LRFN5: variants seen among roughly 807,000 people sequenced by gnomAD.
LRFN5 encodes the protein leucine rich repeat and fibronectin type III domain containing 5, also known as leucine-rich repeat and fibronectin type-III domain-containing protein 5.
Under a neutral mutation model 45.6 loss-of-function variants are expected in LRFN5, and 24 were observed. That is an observed-to-expected ratio of 0.53 (90% CI 0.38 to 0.74). The LOEUF (loss-of-function observed/expected upper bound fraction) is 0.74, where lower values mean the gene tolerates loss of function less well. Among genes scored for constraint, LRFN5 ranks in the 30% least tolerant of loss-of-function variants. LRFN5 has a pLI of 0.00. For missense variants in LRFN5, 776 were observed against 861.5 expected (o/e 0.90, Z 1.24); for synonymous variants, 340 against 313.8 (o/e 1.08, Z -0.88).
intron 2 of LRFN5, among the ~76,000 whole-genome samples, chr14:41,803,442 C>G (rs1887408862): frequency 6.6e-6 from 1 of 151,892 alleles, no homozygotes; most frequent in South Asian, 2.1e-4. Context: ...GCCTCAAACT[C>G]CTGGGCTCAA....
chr14:41,787,871 T>C (rs539040864), intron 2 of LRFN5, among the ~76,000 whole-genome samples: 8 of 152,208 alleles, frequency 5.3e-5, no homozygotes, highest in Non-Finnish European at 1.0e-4. Flanking sequence ...TCATGATGTT[T>C]GGACTTGTGC....
chr14:41,828,736 G>C (rs182041605), intron 2 of LRFN5, among the ~76,000 whole-genome samples: 3 of 151,942 alleles, frequency 2.0e-5, no homozygotes, highest in Admixed American at 2.0e-4. Flanking sequence ...GTGATAGTCA[G>C]GGACACTACT....
chr14:41,649,589 T>C (rs1207914470), intron 1 of LRFN5, among the ~76,000 whole-genome samples: 1 of 152,162 alleles, frequency 6.6e-6, no homozygotes, highest in African/African-American at 2.4e-5. Context: ...CAAAGAACCC[T>C]GCTGCGTCAG....
chr14:41,667,162 C>T lies in LRFN5; in HGVS notation c.-197+58600C>T, dbSNP rs542681608. Among the ~76,000 whole-genome samples the T allele has an allele frequency of 1.4e-3, 214 of 152,142 alleles. 1 individual carries two copies. The highest frequency in any genetic ancestry group is 3.9e-3 in the African/African-American group (160 of 41,514). ...GTAGTCAGGATCAATGTAAGGAAAG[C>T]GATGAACTGTTAGTTTAGAGAAGAA... On this transcript the variant is annotated intron_variant, in intron 1 of 5. Transcript: ENST00000298119.
chr14:41,856,675 A>ATTATTTTTTATTTT, intron 2 of LRFN5, among the ~76,000 whole-genome samples: 1 of 18,328 alleles, frequency 5.5e-5, no homozygotes, highest in African/African-American at 1.3e-4. Flanking sequence ...TATTATTATT[A>ATTATTTTTTATTTT]TTTTTTTTTT....
chr14:41,727,022 T>A (rs1273653835), intron 1 of LRFN5, among the ~76,000 whole-genome samples: 2 of 152,220 alleles, frequency 1.3e-5, no homozygotes, highest in African/African-American at 2.4e-5. Flanking sequence ...CTTGGTGTTT[T>A]ATGAAACTTG....
At chr14:41,797,214 ATTAT>A (rs981280294) in intron 2 of LRFN5, among the ~76,000 whole-genome samples, 5 of 151,760 alleles carry the variant, frequency 3.3e-5, no homozygotes, top group African/African-American at 7.2e-5. Context: ...GGCATTTGAA[ATTAT>A]TTATTTATTT....
chr14:41,835,801 A>G (rs557472935), intron 2 of LRFN5, among the ~76,000 whole-genome samples: 88 of 152,316 alleles, frequency 5.8e-4, no homozygotes, highest in African/African-American at 1.6e-3. Flanking sequence ...TTGGAAATGC[A>G]GATAAAAATC....
At chr14:41,650,090 T>A (rs1156344549) in intron 1 of LRFN5, among the ~76,000 whole-genome samples, 1 of 152,072 alleles carries the variant, frequency 6.6e-6, no homozygotes, top group Non-Finnish European at 1.5e-5. Flanking sequence ...AATTATGTGC[T>A]GGTAAAAGAT....
At chr14:41,808,655 A>G (rs1264185381) in intron 2 of LRFN5, among the ~76,000 whole-genome samples, 1 of 152,104 alleles carries the variant, frequency 6.6e-6, no homozygotes, top group Non-Finnish European at 1.5e-5. Flanking sequence ...AATTGTGGCC[A>G]GACCTATTAA....
chr14:41,716,318 T>G (rs1463970630), intron 1 of LRFN5, among the ~76,000 whole-genome samples: 1 of 152,240 alleles, frequency 6.6e-6, no homozygotes, highest in Non-Finnish European at 1.5e-5. Flanking sequence ...GGATTTCTCC[T>G]CAGAAAATGA....
chr14:41,829,765 TTC>T (rs1473815277), intron 2 of LRFN5, among the ~76,000 whole-genome samples: 3 of 151,926 alleles, frequency 2.0e-5, no homozygotes, highest in Non-Finnish European at 4.4e-5. Flanking sequence ...TTTTTGAACT[TTC>T]TGATTCCACA....
rs533967164 is a variant in LRFN5, at chr14:41,792,763, CAT to C, written c.-21+25735_-21+25736del. Among the ~76,000 whole-genome samples, 110 of 152,144 alleles carry C rather than the reference CAT, an allele frequency of 7.2e-4. 1 individual carries two copies. Among genetic ancestry groups the C allele is most frequent in the South Asian group, 5.4e-3 (26 of 4,824 alleles). On this transcript the variant is annotated intron_variant, in intron 2 of 5. Transcript: ENST00000298119. ...ACTGATTTCATCTTGTTCAAACACA[CAT>C]GTTTTACAATCAATTTGTACAGGTA... is the stretch of plus-strand genomic sequence containing the variant.
chr14:41,831,209 G>A (rs879752761), intron 2 of LRFN5, among the ~76,000 whole-genome samples: 9 of 152,196 alleles, frequency 5.9e-5, no homozygotes, highest in Non-Finnish European at 7.4e-5. Flanking sequence ...TACATTACCC[G>A]TCTTTTAATA....
chr14:41,719,299 T>C (rs1883617259), intron 1 of LRFN5, among the ~76,000 whole-genome samples: 1 of 152,128 alleles, frequency 6.6e-6, no homozygotes, highest in South Asian at 2.1e-4. Context: ...GCAAGAGTAG[T>C]AGATTTTAAG....
rs1480132730 is a variant in LRFN5, at chr14:41,894,020, A to G, written c.2098+2058A>G. The stretch of plus-strand genomic sequence containing the variant: ...AACTAAATATTTTTAATTAACATCA[A>G]TTGCCTAATTCCTCAATAGGTGTTG... On this transcript the variant is annotated intron_variant, in intron 4 of 5. Coordinates refer to ENST00000298119, the MANE Select transcript of LRFN5 (RefSeq NM_152447.5). The G allele has an allele frequency of 1.0e-5, 10 of 984,058 alleles. No individual in the cohort carries two copies. The East Asian group carries it at 3.4e-4, about 33-fold the overall frequency. 61.0% of individuals were successfully genotyped at this position (984,058 alleles called of 1,614,324 possible).
At chr14:41,661,810 T>A (rs921349442) in intron 1 of LRFN5, among the ~76,000 whole-genome samples, 7 of 151,934 alleles carry the variant, frequency 4.6e-5, no homozygotes, top group Non-Finnish European at 8.8e-5. Context: ...GAGAGTAATT[T>A]GTGGGAAAAA....
intron 2 of LRFN5, among the ~76,000 whole-genome samples, chr14:41,770,299 C>A (rs1449808517): frequency 6.6e-6 from 1 of 152,164 alleles, no homozygotes; most frequent in Non-Finnish European, 1.5e-5. Flanking sequence ...CCCTGGCCCC[C>A]CCAAATCACA....
At chr14:41,841,630 TG>T (rs1480088377) in intron 2 of LRFN5, among the ~76,000 whole-genome samples, 1 of 151,926 alleles carries the variant, frequency 6.6e-6, no homozygotes, top group Non-Finnish European at 1.5e-5. Context: ...TGGTCTCACA[TG>T]TTTTTTTTCC....
Sources: allele counts gnomAD v4.1 joint callset (sites outside exome capture counted in the v4.1 genomes callset), GRCh38; gene constraint gnomAD v4.1.1; transcripts MANE v1.5; gene names NCBI Gene and HGNC (gene_info 2026-07-23, HGNC 2026-07-21).